Variants in PCDH11Y observed in about 807,000 individuals in gnomAD.
PCDH11Y encodes the protein protocadherin 11 Y-linked.
For synonymous variants in PCDH11Y, 9 were observed against 83.6 expected, an observed-to-expected ratio of 0.11 and a Z score of 4.87; for missense variants, 12 against 224.8, an observed-to-expected ratio of 0.05 and a Z score of 6.05.
chrY:5,201,348 A>C, intron 2 of PCDH11Y, among the ~76,000 whole-genome samples: 2 of 33,590 alleles, frequency 6.0e-5, no homozygotes, highest in South Asian at 1.3e-3. Flanking sequence ...GTTTAAATTT[A>C]TCAGAATCAC....
intron 1 of PCDH11Y, among the ~76,000 whole-genome samples, chrY:5,001,512 C>T: frequency 2.9e-5 from 1 of 34,066 alleles, no homozygotes; most frequent in Non-Finnish European, 7.3e-5. Context: ...AGACAGAACC[C>T]AGAAACAGTT....
At chrY:5,416,385 T>TG (rs2053253291) in intron 2 of PCDH11Y, among the ~76,000 whole-genome samples, 4 of 33,074 alleles carry the variant, frequency 1.2e-4, no homozygotes, top group Non-Finnish European at 3.0e-4. Context: ...ATCACTTGAA[T>TG]GGGGGCTGGG....
chrY:5,706,081 A>G, intron 4 of PCDH11Y, among the ~76,000 whole-genome samples: 1 of 26,674 alleles, frequency 3.7e-5, no homozygotes, highest in Non-Finnish European at 9.0e-5. Flanking sequence ...ATCAGTTACA[A>G]CCTGATACAG....
chrY:5,543,074 G>A, intron 3 of PCDH11Y, among the ~76,000 whole-genome samples: 1 of 33,890 alleles, frequency 3.0e-5, no homozygotes, highest in Non-Finnish European at 7.4e-5. Flanking sequence ...GTACAAGCAT[G>A]AACTATGCTC....
intron 2 of PCDH11Y, among the ~76,000 whole-genome samples, chrY:5,340,409 C>A: frequency 6.8e-5 from 2 of 29,512 alleles, no homozygotes. Flanking sequence ...CTGGCAACAC[C>A]CTCACAGACA....
intron 4 of PCDH11Y, among the ~76,000 whole-genome samples, chrY:5,675,012 G>A (rs2124708881): frequency 3.0e-5 from 1 of 33,679 alleles, no homozygotes; most frequent in African/African-American, 1.2e-4. Flanking sequence ...CTCCTGGAAG[G>A]TCCTTTTGGC....
At chrY:5,560,521 C>T (rs2053427725) in intron 3 of PCDH11Y, among the ~76,000 whole-genome samples, 1 of 32,138 alleles carries the variant, frequency 3.1e-5, no homozygotes, top group Non-Finnish European at 7.6e-5. Context: ...AGGCTCAGGT[C>T]CCTGTGCTGT....
intron 2 of PCDH11Y, among the ~76,000 whole-genome samples, chrY:5,454,491 G>A: frequency 8.9e-5 from 3 of 33,858 alleles, no homozygotes; most frequent in African/African-American, 2.3e-4. Flanking sequence ...CTCCAACCCC[G>A]CATTTCTCCT....
intron 2 of PCDH11Y, among the ~76,000 whole-genome samples, chrY:5,147,619 C>T: frequency 3.1e-5 from 1 of 32,651 alleles, no homozygotes; most frequent in Non-Finnish European, 7.5e-5. Flanking sequence ...ATCCCTGGGA[C>T]CTGTGAATAT....
chrY:5,453,373 C>T, intron 2 of PCDH11Y, among the ~76,000 whole-genome samples: 1 of 33,608 alleles, frequency 3.0e-5, no homozygotes, highest in Non-Finnish European at 7.4e-5. Flanking sequence ...ACTGTATACA[C>T]AAATTAAATA....
At chrY:5,336,419 T>C (rs1360696558) in intron 2 of PCDH11Y, among the ~76,000 whole-genome samples, 3 of 30,472 alleles carry the variant, frequency 9.8e-5, no homozygotes, top group Admixed American at 9.3e-4. Context: ...TACAGGCGCC[T>C]GCCACCTCGC....
At chrY:5,421,049 T>TACACACACAC (rs1310744427) in intron 2 of PCDH11Y, among the ~76,000 whole-genome samples, 82 of 16,957 alleles carry the variant, frequency 4.8e-3, no homozygotes, top group Non-Finnish European at 6.1e-3. Flanking sequence ...CTACTAAAAA[T>TACACACACAC]ACACACACAC....
At chrY:5,102,962 A>G (rs2052781978), downstream of PCDH11Y, among the ~76,000 whole-genome samples, 1 of 32,943 alleles carries the variant, frequency 3.0e-5, no homozygotes, top group Admixed American at 2.8e-4. Flanking sequence ...CAAGACATGA[A>G]TTGGTGAACT....
downstream of PCDH11Y, among the ~76,000 whole-genome samples, chrY:5,107,977 T>C (rs2052795116): frequency 3.5e-5 from 1 of 28,259 alleles, no homozygotes; most frequent in Non-Finnish European, 8.2e-5. Flanking sequence ...GAGAATGGCG[T>C]GAACCCGGGA....
intron 2 of PCDH11Y, among the ~76,000 whole-genome samples, chrY:5,342,399 G>A: frequency 3.0e-5 from 1 of 33,670 alleles, no homozygotes; most frequent in African/African-American, 1.2e-4. Context: ...CAGTCACACA[G>A]TCCATGAAAT....
intron 2 of PCDH11Y, among the ~76,000 whole-genome samples, chrY:5,146,290 C>A: frequency 9.0e-5 from 3 of 33,236 alleles, no homozygotes; most frequent in Non-Finnish European, 1.5e-4. Flanking sequence ...AGCTGAGGAC[C>A]CCTGCTTTCA....
At chrY:5,297,158 C>G (rs1602900624) in intron 2 of PCDH11Y, among the ~76,000 whole-genome samples, 3 of 33,211 alleles carry the variant, frequency 9.0e-5, no homozygotes, top group Non-Finnish European at 1.5e-4. Context: ...CTAGAAATAC[C>G]ATGTCGGAGC....
intron 4 of PCDH11Y, among the ~76,000 whole-genome samples, chrY:5,631,481 G>T: frequency 3.0e-5 from 1 of 33,291 alleles, no homozygotes; most frequent in Non-Finnish European, 7.4e-5. Context: ...TTCATGGAAA[G>T]TGTAACAGCT....
At chrY:5,715,292 C>T in intron 4 of PCDH11Y, among the ~76,000 whole-genome samples, 1 of 33,745 alleles carries the variant, frequency 3.0e-5, no homozygotes, top group Non-Finnish European at 7.4e-5. Flanking sequence ...TGCAAAGCAG[C>T]GGTTTTACTC....
Sources: gnomAD v4.1 joint callset for allele counts (sites outside exome capture counted in the v4.1 genomes callset) on GRCh38, gnomAD v4.1.1 for gene constraint, MANE v1.5 for transcripts, NCBI Gene and HGNC (gene_info 2026-07-23, HGNC 2026-07-21) for gene names.